Variants in DNAH3 observed in about 807,000 individuals in gnomAD.
DNAH3 encodes the protein dynein axonemal heavy chain 3.
A neutral mutation model predicts 432.5 loss-of-function variants in DNAH3; 332 were observed. That is an observed-to-expected ratio of 0.77 (90% confidence interval 0.70 to 0.84). DNAH3 has a LOEUF of 0.84. DNAH3 is among the 40% of genes least tolerant of loss of function. The probability of loss-of-function intolerance (pLI) is 0.00; values close to 1 mark genes in which losing one functional copy is unlikely to be tolerated. For synonymous variants in DNAH3, 1,956 were observed against 1,900.2 expected, an observed-to-expected ratio of 1.03 and a Z score of -0.76; for missense variants, 4,861 against 5,114.0, an observed-to-expected ratio of 0.95 and a Z score of 1.51.
At chr16:21,066,582 T>C (rs923521976) in intron 24 of DNAH3, among the ~76,000 whole-genome samples, 1 of 152,156 alleles carries the variant, frequency 6.6e-6, no homozygotes, top group Non-Finnish European at 1.5e-5. Context: ...TTGTCCAGGC[T>C]GGTCTCAAAT....
intron 31 of DNAH3, 43 bp from the exon 32 acceptor site, chr16:21,042,246 C>T (rs1311952436): frequency 1.3e-6 from 2 of 1,540,758 alleles, no homozygotes; most frequent in African/African-American, 2.8e-5. Context: ...CTGCTTCTGT[C>T]TGACAACCAC....
intron 18 of DNAH3, among the ~76,000 whole-genome samples, chr16:21,094,463 G>A (rs1036160014): frequency 6.6e-6 from 1 of 152,124 alleles, no homozygotes; most frequent in African/African-American, 2.4e-5. Context: ...CTGAGGTCAG[G>A]AGTTTGAGAT....
At chr16:21,020,397 ATTTTTT>A (rs56049638) in intron 40 of DNAH3, among the ~76,000 whole-genome samples, 3 of 34,590 alleles carry the variant, frequency 8.7e-5, no homozygotes, top group African/African-American at 3.6e-4. Flanking sequence ...ATATATATAT[ATTTTTT>A]TTTTTTTTTT....
chr16:21,083,039 G>A (rs2091248683), intron 19 of DNAH3, among the ~76,000 whole-genome samples: 2 of 145,146 alleles, frequency 1.4e-5, no homozygotes, highest in African/African-American at 5.1e-5. Flanking sequence ...TTTTTTGAGA[G>A]AGAGTCTCGC....
intron 18 of DNAH3, among the ~76,000 whole-genome samples, chr16:21,089,463 T>C (rs2091470196): frequency 6.6e-6 from 1 of 152,144 alleles, no homozygotes; most frequent in African/African-American, 2.4e-5. Flanking sequence ...TTATTCTGAG[T>C]CATAAAACAA....
chr16:21,001,696 A>G (rs1457489135), intron 42 of DNAH3, among the ~76,000 whole-genome samples: 1 of 152,198 alleles, frequency 6.6e-6, no homozygotes, highest in Non-Finnish European at 1.5e-5. Context: ...TAAGGCAGGT[A>G]TGTAATAACA....
chr16:21,153,128 CCT>C lies in DNAH3; in HGVS notation c.117+6195_117+6196del, dbSNP rs759057569. 3.9e-5 allele frequency among the ~76,000 whole-genome samples: 6 copies of C among 152,294 alleles called. No individual in the cohort carries two copies. In the South Asian group the frequency reaches 1.0e-3, roughly 26 times the overall value. ...GGATTGTAAATACACCAATCAGCAC[CCT>C]GAGTCTAACTCAGGGTTTGTGAATG... On this transcript the variant is annotated intron_variant, in intron 1 of 61. Coordinates refer to ENST00000261383, the Ensembl canonical transcript of DNAH3.
At chr16:21,124,084 G>T (rs2092398884) in intron 9 of DNAH3, among the ~76,000 whole-genome samples, 1 of 152,144 alleles carries the variant, frequency 6.6e-6, no homozygotes, top group South Asian at 2.1e-4. Flanking sequence ...GAGCCACCGT[G>T]CCTGGCCAGT....
exon 1 of DNAH3, chr16:21,159,398 G>A (rs765766532): frequency 1.2e-6 from 2 of 1,614,110 alleles, no homozygotes; most frequent in Non-Finnish European, 1.7e-6. Flanking sequence ...GCCCGGATGG[G>A]GAGGGGCGGC....
intron 3 of DNAH3, among the ~76,000 whole-genome samples, chr16:21,144,531 G>A (rs558495000): frequency 9.3e-4 from 142 of 152,222 alleles, no homozygotes; most frequent in African/African-American, 3.2e-3. Flanking sequence ...TTGATTGTAC[G>A]CTAGTGAGGG....
At chr16:21,149,621 G>A (rs377440039) in intron 1 of DNAH3, among the ~76,000 whole-genome samples, 9 of 152,216 alleles carry the variant, frequency 5.9e-5, no homozygotes, top group Middle Eastern at 3.4e-3. Context: ...CTTCTGGATC[G>A]GAATCTAGGA....
At chr16:21,106,606 A>G (rs1382594840) in exon 15 of DNAH3, 1 of 1,610,896 alleles carries the variant, frequency 6.2e-7, no homozygotes, top group East Asian at 2.2e-5. Flanking sequence ...AATGAGGGAT[A>G]CCAGCTCCTT....
intron 51 of DNAH3, among the ~76,000 whole-genome samples, chr16:20,974,419 T>G (rs2152644846): frequency 6.6e-6 from 1 of 151,914 alleles, no homozygotes; most frequent in South Asian, 2.1e-4. Flanking sequence ...GAGGATCACT[T>G]GAGTCCAAGT....
intron 53 of DNAH3, among the ~76,000 whole-genome samples, chr16:20,961,521 AAAATAAAAT>A (rs1168074042): frequency 7.7e-6 from 1 of 129,612 alleles, no homozygotes; most frequent in Non-Finnish European, 1.7e-5. Flanking sequence ...ATAAAAAAAT[AAAATAAAAT>A]AAAATAAAAT....
rs201985265 is a variant in DNAH3, at chr16:21,058,216, A to C, written c.3814-20T>G. 7.0e-7 allele frequency: 1 copy of C among 1,432,220 alleles called. No individual in the cohort carries two copies. The highest frequency in any genetic ancestry group is 9.9e-7 in the Non-Finnish European group (1 of 1,014,348). 88.7% of individuals were successfully genotyped at this position (1,432,220 alleles called of 1,614,324 possible). A position where few individuals can be genotyped will look rare whatever the true frequency, so the allele number is the denominator to read the frequency against. ...AGGGACCTGGAAAAGCACAGTGGGC[A>C]TGTTATAGGATCAGTTCACGTGTGG... On this transcript the variant is annotated intron_variant, in intron 26 of 61. Transcript: ENST00000261383.
rs190838846 is a variant in DNAH3 at position 21,041,452 on chromosome 16, A to G, written c.4638+575T>C. Among the ~76,000 whole-genome samples the G allele has an allele frequency of 2.6e-5, 4 of 152,258 alleles. No homozygotes were observed. In the East Asian group the frequency reaches 7.7e-4, roughly 29 times the overall value. Reference sequence around the variant, plus strand: ...TATGTTGACCTAGATGGGAGGAGCCACTTGAAGCATCTCTCTGACTCTTTT... The same window carrying G: ...TATGTTGACCTAGATGGGAGGAGCCGCTTGAAGCATCTCTCTGACTCTTTT... On this transcript the variant is annotated intron_variant, in intron 32 of 61. Coordinates refer to ENST00000261383, the Ensembl canonical transcript of DNAH3.
intron 27 of DNAH3, among the ~76,000 whole-genome samples, chr16:21,057,656 C>A (rs1278041785): frequency 6.6e-6 from 1 of 152,196 alleles, no homozygotes; most frequent in East Asian, 1.9e-4. Flanking sequence ...TATACTTGGT[C>A]ACAAGAGAAA....
intron 60 of DNAH3, among the ~76,000 whole-genome samples, 173 bp downstream of exon 60, chr16:20,936,476 C>G (rs1050003609): frequency 2.0e-5 from 3 of 152,100 alleles, no homozygotes; most frequent in Non-Finnish European, 2.9e-5. Context: ...TTTTCCAGGA[C>G]TTTCAAGTCT....
intron 14 of DNAH3, among the ~76,000 whole-genome samples, chr16:21,109,722 G>A (rs1219966414): frequency 6.6e-6 from 1 of 150,680 alleles, no homozygotes; most frequent in African/African-American, 2.4e-5. Flanking sequence ...GCCTCAACTT[G>A]CATACCTCTC....
Sources: gnomAD v4.1 joint callset for allele counts (sites outside exome capture counted in the v4.1 genomes callset) on GRCh38, gnomAD v4.1.1 for gene constraint, MANE v1.5 for transcripts, NCBI Gene and HGNC (gene_info 2026-07-23, HGNC 2026-07-21) for gene names.